RNF130: variants seen among roughly 807,000 people sequenced by gnomAD.
The protein encoded by RNF130 is E3 ubiquitin-protein ligase RNF130.
A neutral mutation model predicts 44.6 loss-of-function variants in RNF130; 21 were observed. That is an observed-to-expected ratio of 0.47 (90% CI 0.33 to 0.68). The LOEUF (loss-of-function observed/expected upper bound fraction) is 0.68. Ranked by LOEUF, RNF130 falls within the 30% of genes least tolerant of loss-of-function variation. RNF130 has a pLI of 0.02. For missense variants in RNF130, 479 were observed against 560.6 expected (o/e 0.85, Z 1.47); for synonymous variants, 214 against 210.4 (o/e 1.02, Z -0.15).
chr5:180,060,338 C>T (rs565427864), intron 1 of RNF130, among the ~76,000 whole-genome samples: 1 of 152,246 alleles, frequency 6.6e-6, no homozygotes, highest in Non-Finnish European at 1.5e-5. Context: ...TCTTTTCCTT[C>T]CGTGCAGTGG....
At chr5:179,946,911 G>C (rs774993413) in intron 7 of RNF130, among the ~76,000 whole-genome samples, 21 of 152,146 alleles carry the variant, frequency 1.4e-4, no homozygotes, top group Non-Finnish European at 2.9e-4. Context: ...GCCTCGGGCT[G>C]ATCTCAGGGC....
At position 180,009,469 on chromosome 5, in the gene RNF130, G is replaced by A. The variant is rs973843501; in HGVS notation, c.693+3592C>T. On this transcript the variant is annotated intron_variant, in intron 3 of 8. Coordinates refer to ENST00000521389, the MANE Select transcript of RNF130 (RefSeq NM_018434.6). ...GGATATTTCACTGAAGAGGATATAC[G>A]GATGGCAAACAAGCACATAAAAAAT... Among the ~76,000 whole-genome samples the A allele has an allele frequency of 3.3e-5, 5 of 152,140 alleles. No individual in the cohort carries two copies. In the East Asian group the frequency reaches 9.6e-4, roughly 29 times the overall value.
At chr5:179,941,228 T>C (rs1761965893) in intron 7 of RNF130, among the ~76,000 whole-genome samples, 1 of 152,248 alleles carries the variant, frequency 6.6e-6, no homozygotes, top group Non-Finnish European at 1.5e-5. Flanking sequence ...TTTTAATGGA[T>C]TGCTGGACAT....
rs376575870 is a variant in RNF130 at position 180,015,445 on chromosome 5, A to AAAAGGAGTAGGG, written c.443-2146_443-2135dup. 2.8e-3 allele frequency: 1,240 copies of AAAAGGAGTAGGG among 450,148 alleles called. 92 individuals are homozygous for AAAAGGAGTAGGG. The highest frequency in any genetic ancestry group is 0.013 in the African/African-American group (529 of 41,444). The allele number at this position is 450,148 out of a possible 1,614,324, so 27.9% of individuals were successfully genotyped here. On this transcript the variant is annotated intron_variant, in intron 2 of 8. Transcript: ENST00000521389. Reference sequence around the variant, plus strand: ...GCTCCCTCTTGAAGACTCAAGCTGGAAAAGGAGTAGGGAAAGGAGTAGGGA... The same window carrying AAAAGGAGTAGGG: ...GCTCCCTCTTGAAGACTCAAGCTGGAAAAGGAGTAGGGAAAGGAGTAGGGAAAGGAGTAGGGA...
At chr5:180,053,821 C>T (rs1764741061) in intron 1 of RNF130, among the ~76,000 whole-genome samples, 2 of 122,862 alleles carry the variant, frequency 1.6e-5, no homozygotes, top group South Asian at 7.9e-4. Context: ...AAAGCAAATA[C>T]ATTCTTTTTT....
At chr5:179,993,719 CTTTAG>C (rs1227609437) in intron 3 of RNF130, among the ~76,000 whole-genome samples, 14 of 152,156 alleles carry the variant, frequency 9.2e-5, no homozygotes, top group Non-Finnish European at 1.6e-4. Flanking sequence ...TGCAGAAGCT[CTTTAG>C]TTTAATTAGA....
intron 2 of RNF130, among the ~76,000 whole-genome samples, chr5:180,014,681 G>A (rs1055128463): frequency 1.3e-5 from 2 of 152,142 alleles, no homozygotes; most frequent in African/African-American, 4.8e-5. Flanking sequence ...AAGACTACAC[G>A]CAACTGAAAA....
chr5:179,920,147 A>C, exon 8 of RNF130: 1 of 558,858 alleles, frequency 1.8e-6, no homozygotes, highest in East Asian at 2.8e-5. Flanking sequence ...ACTGTCCTCA[A>C]AGCCTCACCT....
intron 7 of RNF130, among the ~76,000 whole-genome samples, chr5:179,938,579 T>C (rs1282012042): frequency 6.6e-6 from 1 of 152,222 alleles, no homozygotes; most frequent in Non-Finnish European, 1.5e-5. Flanking sequence ...CTCATTTCTC[T>C]TCTTTTTTTA....
At chr5:180,038,984 C>T (rs901116435) in intron 2 of RNF130, among the ~76,000 whole-genome samples, 4 of 152,104 alleles carry the variant, frequency 2.6e-5, no homozygotes, top group South Asian at 2.1e-4. Flanking sequence ...GAAAGCAAAC[C>T]GGCACCTGCT....
chr5:180,002,917 G>T (rs140429722), intron 3 of RNF130, among the ~76,000 whole-genome samples: 3 of 151,900 alleles, frequency 2.0e-5, no homozygotes, highest in African/African-American at 7.3e-5. Context: ...ACTCAGATCT[G>T]GGTTGTTATT....
At chr5:179,930,570 A>C (rs2113675670) in intron 7 of RNF130, among the ~76,000 whole-genome samples, 1 of 152,336 alleles carries the variant, frequency 6.6e-6, no homozygotes, top group Middle Eastern at 3.4e-3. Flanking sequence ...TAACACTGCC[A>C]ATATAATGTT....
intron 7 of RNF130, among the ~76,000 whole-genome samples, chr5:179,935,965 G>A (rs1005527828): frequency 2.6e-5 from 4 of 152,112 alleles, no homozygotes; most frequent in African/African-American, 9.7e-5. Context: ...GAGTATCAGC[G>A]TCTCACACAT....
chr5:179,978,593 T>C (rs1175211856), intron 4 of RNF130, among the ~76,000 whole-genome samples: 1 of 152,180 alleles, frequency 6.6e-6, no homozygotes, highest in Non-Finnish European at 1.5e-5. Context: ...GATCTCCCCA[T>C]CCCTCATTCC....
At chr5:179,954,158 G>C (rs1483048035), downstream of RNF130, among the ~76,000 whole-genome samples, 1 of 152,156 alleles carries the variant, frequency 6.6e-6, no homozygotes, top group Non-Finnish European at 1.5e-5. Flanking sequence ...AATGCAAAAT[G>C]GTGCAGTTGC....
chr5:180,022,413 G>A (rs1406830345), intron 2 of RNF130, among the ~76,000 whole-genome samples: 1 of 152,178 alleles, frequency 6.6e-6, no homozygotes, highest in Non-Finnish European at 1.5e-5. Context: ...TGCTTCATAA[G>A]ACCCTGTGTA....
At chr5:180,055,312 A>T (rs1339270817) in intron 1 of RNF130, among the ~76,000 whole-genome samples, 1 of 144,970 alleles carries the variant, frequency 6.9e-6, no homozygotes, top group Non-Finnish European at 1.5e-5. Context: ...CAAAAAATGC[A>T]ATTTTTTTTT....
At chr5:180,042,826 G>A (rs1288315159) in intron 1 of RNF130, among the ~76,000 whole-genome samples, 8 of 152,126 alleles carry the variant, frequency 5.3e-5, no homozygotes, top group Non-Finnish European at 7.3e-5. Context: ...CTGTGGTCTC[G>A]CATACATGCA....
chr5:180,070,362 G>A (rs886113439), intron 1 of RNF130, among the ~76,000 whole-genome samples: 2 of 152,188 alleles, frequency 1.3e-5, no homozygotes, highest in Admixed American at 6.5e-5. Flanking sequence ...GTTGCGGACA[G>A]GCTACAGTAA....
Sources: allele counts gnomAD v4.1 joint callset (sites outside exome capture counted in the v4.1 genomes callset), GRCh38; gene constraint gnomAD v4.1.1; transcripts MANE v1.5; gene names NCBI Gene and HGNC (gene_info 2026-07-23, HGNC 2026-07-21).